The following SNRPA1 variants were observed in gnomAD, a reference collection of about 807,000 sequenced individuals.
SNRPA1 encodes the protein small nuclear ribonucleoprotein polypeptide A'.
SNRPA1 carries 5 observed loss-of-function variants against 32.3 expected under a neutral mutation model. The ratio of observed to expected loss-of-function variants is 0.15; its 90% CI spans 0.08 to 0.33. The LOEUF is 0.33. Ranked by LOEUF, SNRPA1 falls within the 10% of genes least tolerant of loss-of-function variation. The probability of loss-of-function intolerance (pLI) is 1.00; values close to 1 mark genes in which losing one functional copy is unlikely to be tolerated. For missense variants in SNRPA1, 198 were observed against 311.1 expected, an observed-to-expected ratio of 0.64 and a Z score of 2.74; for synonymous variants, 111 against 120.1, an observed-to-expected ratio of 0.92 and a Z score of 0.50.
At chr15:101,286,123 T>A in intron 6 of SNRPA1, 91 bp downstream of exon 6, 1 of 1,037,954 alleles carries the variant, frequency 9.6e-7, no homozygotes, top group Non-Finnish European at 1.4e-6. Context: ...TGTCAGAGTT[T>A]TTGGTTAATT....
At position 101,293,082 on chromosome 15, in the gene SNRPA1, T is replaced by A. The variant is rs2039545188; in HGVS notation, c.173A>T (p.Asp58Val). The A allele has an allele frequency of 1.2e-6, 2 of 1,612,694 alleles. No individual in the cohort carries two copies. Among genetic ancestry groups the A allele is most frequent in the Non-Finnish European group, 1.7e-6 (2 of 1,179,030 alleles). The change falls in exon 2 of 9, where the codon GAT becomes GTT. Residue 58 changes from aspartate to valine, a missense_variant. Physicochemically the swap from Asp to Val is radical, Grantham distance 152. Around this residue, in one of 3 missense-constraint regions of SNRPA1, gnomAD observed 119 missense variants for 171.6 expected, o/e 0.69. Coordinates refer to ENST00000254193, the MANE Select transcript of SNRPA1 (RefSeq NM_003090.4). ...DFSDNEIRKL[D>V]GFPLLRRLKT... ...CAGTCTTCTCAACAAAGGAAAACCATCCAGTTTCCTGATCTCATTGTCAGA... is the reference window on the plus strand; with the variant it reads ...CAGTCTTCTCAACAAAGGAAAACCAACCAGTTTCCTGATCTCATTGTCAGA...
chr15:101,282,666 C>T (rs1567123013), intron 8 of SNRPA1, among the ~76,000 whole-genome samples: 2 of 152,184 alleles, frequency 1.3e-5, no homozygotes, highest in African/African-American at 4.8e-5. Flanking sequence ...ATTTGGAAAA[C>T]TGTGGTTCAC....
chr15:101,284,335 G>C (rs2039430431), intron 8 of SNRPA1, among the ~76,000 whole-genome samples: 1 of 152,152 alleles, frequency 6.6e-6, no homozygotes, highest in East Asian at 1.9e-4. Flanking sequence ...CTTGGCTCTA[G>C]AGCCTGTGTT....
rs373922948 is a variant in SNRPA1, at chr15:101,284,978, T to C, written c.698A>G (p.Glu233Gly). The C allele has an allele frequency of 6.2e-6, 10 of 1,613,024 alleles. No homozygotes were observed. Among genetic ancestry groups the C allele is most frequent in the Non-Finnish European group, 8.5e-6 (10 of 1,179,100 alleles). Reference sequence around the variant, plus strand: ...CACCATTTGTTCACCTGATCTGCGTTCTCTGCCAGGGATCTGACCAGACTG... The same window carrying C: ...CACCATTTGTTCACCTGATCTGCGTCCTCTGCCAGGGATCTGACCAGACTG... ...LLQSGQIPGRERRSGPTDDGE... is the reference protein window; with the variant it reads ...LLQSGQIPGRGRRSGPTDDGE... Residue 233 changes from glutamate (E) to glycine (G), a missense_variant, in exon 8 of 9, where the codon GAA becomes GGA. Transcript: ENST00000254193.
At position 101,290,272 on chromosome 15, in the gene SNRPA1, C is replaced by T. The variant is rs1389185522; in HGVS notation, c.309+1690G>A. Among the ~76,000 whole-genome samples the T allele has an allele frequency of 2.6e-5, 4 of 152,332 alleles. No homozygotes were observed. The South Asian group carries it at 8.3e-4, about 32-fold the overall frequency. ...TGCTGTGAGATTCTAACATACCTCT[C>T]TCAATAACTGATAAGCCCAGTAGTC... On this transcript the variant is annotated intron_variant, in intron 3 of 8. Coordinates refer to ENST00000254193, the MANE Select transcript of SNRPA1 (RefSeq NM_003090.4).
At chr15:101,286,116 C>G (rs554317402) in intron 6 of SNRPA1, 98 bp downstream of exon 6, 1 of 956,632 alleles carries the variant, frequency 1.0e-6, no homozygotes, top group East Asian at 2.6e-5. Context: ...ATTAATATGT[C>G]AGAGTTTTTG....
chr15:101,294,410 C>A (rs1355825244), intron 1 of SNRPA1, among the ~76,000 whole-genome samples: 1 of 152,234 alleles, frequency 6.6e-6, no homozygotes, highest in Non-Finnish European at 1.5e-5. Flanking sequence ...TTAAAGCCGT[C>A]TCCTGAAATG....
intron 6 of SNRPA1, 125 bp from the exon 7 acceptor site, chr15:101,285,926 C>A: frequency 1.4e-6 from 1 of 700,346 alleles, no homozygotes; most frequent in South Asian, 1.8e-5. Context: ...CAAACTGATA[C>A]AAGAACTCTC....
intron 4 of SNRPA1, among the ~76,000 whole-genome samples, chr15:101,287,389 G>C (rs569899872): frequency 1.8e-4 from 27 of 151,900 alleles, no homozygotes; most frequent in African/African-American, 5.1e-4. Flanking sequence ...CTGTGTCCAA[G>C]TGTTCTCATT....
Position 101,295,204 on chromosome 15 carries a change from T to C in SNRPA1, c.-26A>G. On this transcript the variant is annotated 5_prime_UTR_variant, in exon 1 of 9. Transcript: ENST00000254193. ...CCTGCAGCCTCCCGTTCCCCCGCGC[T>C]GTGGAAAGCCCGTGGCCTCCCGCCA... 4.0e-6 allele frequency: 6 copies of C among 1,515,652 alleles called. No individual in the cohort carries two copies. Among genetic ancestry groups the C allele is most frequent in the Non-Finnish European group, 5.3e-6 (6 of 1,133,694 alleles). 93.9% of individuals were successfully genotyped at this position (1,515,652 alleles called of 1,614,324 possible).
chr15:101,291,983 G>C lies in SNRPA1; in HGVS notation c.288C>G (p.Thr96=), dbSNP rs148855687. Reference sequence around the variant, plus strand: ...TTACCAGTTCCACGAGACTATTATTGGTGAGAATGAGTTCTGTCAGACAGG... The same window carrying C: ...TTACCAGTTCCACGAGACTATTATTCGTGAGAATGAGTTCTGTCAGACAGG... The part of the protein sequence containing the change: ...ALPCLTELIL[T]NNSLVELGDL... The change falls in exon 3 of 9, where the codon ACC becomes ACG. Residue 96 remains threonine, a synonymous_variant. Transcript: ENST00000254193. 6.2e-7 allele frequency: 1 copy of C among 1,611,846 alleles called. No individual in the cohort carries two copies.
chr15:101,283,271 A>G (rs8028140), intron 8 of SNRPA1, among the ~76,000 whole-genome samples: 66,199 of 152,054 alleles, frequency 0.44, 15,725 homozygotes, highest in African/African-American at 0.64. Context: ...GTCTTCGGCC[A>G]GGCGCGGTGG....
At position 101,294,112 on chromosome 15, in the gene SNRPA1, G is replaced by A. The variant is rs2039559665; in HGVS notation, c.83-940C>T. Among the ~76,000 whole-genome samples, 3 of 152,216 alleles carry A rather than the reference G, an allele frequency of 2.0e-5. No homozygotes were observed. In the South Asian group the frequency reaches 6.2e-4, roughly 32 times the overall value. On this transcript the variant is annotated intron_variant, in intron 1 of 8. Transcript: ENST00000254193. ...TAGCCGGGCGTGGTGGCGCATGCCT[G>A]TATTCCCAGCTACTCGGGAGGCTTG...
At chr15:101,287,766 G>T (rs1180813284) in intron 3 of SNRPA1, 64 bp from the exon 4 acceptor site, 7 of 1,470,546 alleles carry the variant, frequency 4.8e-6, no homozygotes, top group Non-Finnish European at 9.5e-7. Flanking sequence ...TTCTGAAATG[G>T]AGAGTGCTTT....
At chr15:101,287,072 T>TGCCA in intron 4 of SNRPA1, 62 bp from the exon 5 acceptor site, 1 of 826,486 alleles carries the variant, frequency 1.2e-6, no homozygotes, top group Non-Finnish European at 2.1e-6. Context: ...AAGAGGTCTG[T>TGCCA]TTGAATAGTC....
At chr15:101,283,516 A>T (rs2039420219) in intron 8 of SNRPA1, among the ~76,000 whole-genome samples, 1 of 152,130 alleles carries the variant, frequency 6.6e-6, no homozygotes, top group Non-Finnish European at 1.5e-5. Flanking sequence ...CAGTGAGGTG[A>T]GATTGCACCA....
chr15:101,285,089 T>A, intron 7 of SNRPA1, 29 bp from the exon 8 acceptor site: 1 of 1,520,380 alleles, frequency 6.6e-7, no homozygotes, highest in East Asian at 2.3e-5. Flanking sequence ...TGGAGATGGA[T>A]GATTAACTTC....
rs2039448420 is a variant in SNRPA1, at chr15:101,285,772, T to C, written c.569A>G (p.Asp190Gly). 1 of 1,613,770 alleles carries C rather than the reference T, an allele frequency of 6.2e-7. No individual in the cohort carries two copies. Among genetic ancestry groups the C allele is most frequent in the African/African-American group, 1.3e-5 (1 of 74,924 alleles). ...TGGAGATGGCCCACCTTTCTTTTTG[T>C]CAGTTGGCAAACCAGCACCTGGATT... is the stretch of plus-strand genomic sequence containing the variant. ...TFNPGAGLPT[D>G]KKKGGPSPGD... Residue 190 changes from aspartate (D) to glycine (G), a missense_variant, in exon 7 of 9, where the codon GAC (aspartate) becomes GGC (glycine). Around this residue, in one of 3 missense-constraint regions of SNRPA1, gnomAD observed 77 missense variants for 120.1 expected, o/e 0.64. Coordinates refer to ENST00000254193, the MANE Select transcript of SNRPA1 (RefSeq NM_003090.4).
chr15:101,287,614 T>G, intron 4 of SNRPA1, 42 bp downstream of exon 4: 2 of 1,560,752 alleles, frequency 1.3e-6, no homozygotes, highest in Non-Finnish European at 1.8e-6. Context: ...AGTAATGTTA[T>G]TTTAAAGGGC....
Sources: allele counts gnomAD v4.1 joint callset (sites outside exome capture counted in the v4.1 genomes callset), GRCh38; gene constraint gnomAD v4.1.1; regional missense constraint gnomAD v4.1.1; transcripts MANE v1.5; gene names NCBI Gene and HGNC (gene_info 2026-07-23, HGNC 2026-07-21).